The following TENM3 variants were observed in gnomAD, a reference collection of about 807,000 sequenced individuals.
TENM3 encodes the protein teneurin-3.
A neutral mutation model predicts 255.1 loss-of-function variants in TENM3; 63 were observed. The observed-to-expected ratio is 0.25, with a 90% CI of 0.20 to 0.30. The LOEUF (loss-of-function observed/expected upper bound fraction) is 0.30. Among genes scored for constraint, TENM3 ranks in the 10% least tolerant of loss-of-function variants. The probability of loss-of-function intolerance (pLI) is 1.00; values close to 1 mark genes in which losing one functional copy is unlikely to be tolerated. For synonymous variants in TENM3, 1,306 were observed against 1,322.3 expected, an observed-to-expected ratio of 0.99 and a Z score of 0.27; for missense variants, 2,929 against 3,461.1, an observed-to-expected ratio of 0.85 and a Z score of 3.86.
intron 3 of TENM3, among the ~76,000 whole-genome samples, chr4:182,457,067 C>G (rs551186781): frequency 6.6e-6 from 1 of 152,014 alleles, no homozygotes; most frequent in East Asian, 1.9e-4. Flanking sequence ...CGCCTGTAAT[C>G]CCAGCTACTC....
the TENM3 span, among the ~76,000 whole-genome samples, chr4:181,948,013 A>T: frequency 1.3e-5 from 2 of 152,214 alleles, no homozygotes; most frequent in Admixed American, 1.3e-4. Context: ...AAAAAAAAAT[A>T]AATTCATACT....
At position 182,353,522 on chromosome 4, in the gene TENM3, T is replaced by A. The variant is rs536007615; in HGVS notation, c.511+6593T>A. Among the ~76,000 whole-genome samples, 5 of 152,344 alleles carry A rather than the reference T, an allele frequency of 3.3e-5. No homozygotes were observed. In the South Asian group the frequency reaches 8.3e-4, roughly 25 times the overall value. The stretch of plus-strand genomic sequence containing the variant: ...CAAAATGCCGTCAAATAGTTCCTGA[T>A]ATATAAAAATAACTACATTGCCTTG... On this transcript the variant is annotated intron_variant, in intron 3 of 27. Coordinates refer to ENST00000511685, the MANE Select transcript of TENM3 (RefSeq NM_001080477.4).
At chr4:182,183,868 C>G (rs1248799253) in intron 1 of TENM3, among the ~76,000 whole-genome samples, 1 of 152,096 alleles carries the variant, frequency 6.6e-6, no homozygotes, top group Non-Finnish European at 1.5e-5. Flanking sequence ...GAATAAATAG[C>G]AAACATATGA....
At chr4:181,852,317 A>G in the TENM3 span, among the ~76,000 whole-genome samples, 2 of 152,214 alleles carry the variant, frequency 1.3e-5, no homozygotes, top group African/African-American at 4.8e-5. Context: ...TCCTTCGTTT[A>G]TTATTCAACA....
At chr4:182,239,368 C>T (rs1304516568), upstream of TENM3, among the ~76,000 whole-genome samples, 5 of 152,044 alleles carry the variant, frequency 3.3e-5, no homozygotes, top group African/African-American at 4.8e-5. Context: ...CATGAGCCAC[C>T]GCGCCCGGCC....
the TENM3 span, among the ~76,000 whole-genome samples, chr4:181,499,643 C>T: frequency 6.6e-6 from 1 of 152,166 alleles, no homozygotes; most frequent in Admixed American, 6.5e-5. Context: ...TACACACTTT[C>T]TTCCAATATT....
upstream of TENM3, among the ~76,000 whole-genome samples, chr4:182,242,553 G>A: frequency 6.6e-6 from 1 of 152,104 alleles, no homozygotes. Context: ...TTGAGCCCAG[G>A]AGTTTGAGAC....
chr4:181,593,975 A>C, the TENM3 span, among the ~76,000 whole-genome samples: 1 of 149,854 alleles, frequency 6.7e-6, no homozygotes, highest in Admixed American at 6.8e-5. Flanking sequence ...TAGAAGGGTT[A>C]TAGATAAACT....
the TENM3 span, among the ~76,000 whole-genome samples, chr4:181,917,252 T>C: frequency 6.6e-6 from 1 of 152,290 alleles, no homozygotes; most frequent in Middle Eastern, 3.4e-3. Flanking sequence ...TATTATAGTA[T>C]ACATTCAAAG....
chr4:181,746,457 T>C, the TENM3 span, among the ~76,000 whole-genome samples: 1 of 152,002 alleles, frequency 6.6e-6, no homozygotes, highest in Non-Finnish European at 1.5e-5. Flanking sequence ...CTGCAGATGA[T>C]TACAAAGAAT....
intron 13 of TENM3, among the ~76,000 whole-genome samples, chr4:182,722,146 C>T (rs895354905): frequency 1.6e-4 from 25 of 152,090 alleles, no homozygotes; most frequent in African/African-American, 5.1e-4. Flanking sequence ...CATAGTGTTA[C>T]AGGATTTCAT....
intron 1 of TENM3, among the ~76,000 whole-genome samples, chr4:182,292,185 A>T (rs1349742370): frequency 6.6e-6 from 1 of 152,096 alleles, no homozygotes. Flanking sequence ...GATTTATTGT[A>T]AAAAAATGTA....
At chr4:181,925,820 A>G in the TENM3 span, among the ~76,000 whole-genome samples, 2 of 152,188 alleles carry the variant, frequency 1.3e-5, no homozygotes, top group Non-Finnish European at 2.9e-5. Flanking sequence ...ATATTCCTAA[A>G]CAAGCTTTCC....
At chr4:181,994,568 T>G in the TENM3 span, among the ~76,000 whole-genome samples, 1,079 of 150,414 alleles carry the variant, frequency 7.2e-3, 14 homozygotes, top group African/African-American at 0.024. Flanking sequence ...TTTTTTTTTT[T>G]TGTGAACTCA....
At chr4:181,511,955 G>A in the TENM3 span, among the ~76,000 whole-genome samples, 32 of 152,080 alleles carry the variant, frequency 2.1e-4, no homozygotes, top group African/African-American at 7.7e-4. Context: ...GTGTTAGGGT[G>A]CCCAGCATCA....
the TENM3 span, among the ~76,000 whole-genome samples, chr4:182,049,898 C>A: frequency 2.8e-3 from 423 of 152,204 alleles, 1 homozygote; most frequent in Non-Finnish European, 3.6e-3. Flanking sequence ...CATTAAAACC[C>A]AGGCATTGGC....
chr4:182,705,239 C>CTTACAACTTTAA (rs1443025157), intron 12 of TENM3, among the ~76,000 whole-genome samples: 1 of 152,178 alleles, frequency 6.6e-6, no homozygotes, highest in Non-Finnish European at 1.5e-5. Flanking sequence ...ATGATACCTA[C>CTTACAACTTTAA]TTACAACTTT....
In TENM3 at chr4:182,751,808, C is replaced by G. The variant is rs1439518269; in HGVS notation, c.3638C>G (p.Pro1213Arg). 2 of 1,612,894 alleles carry G rather than the reference C, an allele frequency of 1.2e-6. No individual in the cohort carries two copies. Among genetic ancestry groups the G allele is most frequent in the Admixed American group, 3.3e-5 (2 of 59,994 alleles). ...VTSVLELSSN[P>R]AHRYYLATDP... ...TATGATCCTTTTCACAGCAGCAACCCAGCTCATAGATACTACCTTGCAACG... is the reference window on the plus strand; with the variant it reads ...TATGATCCTTTTCACAGCAGCAACCGAGCTCATAGATACTACCTTGCAACG... Residue 1213 changes from proline (P) to arginine (R), a missense_variant, in exon 20 of 28, where the codon CCA becomes CGA. Pro to Arg is a moderately radical substitution (Grantham distance 103). This residue lies in a region of TENM3 where 1,608 missense variants were observed against 1,884.4 expected (regional missense o/e 0.85). Transcript: ENST00000511685.
chr4:181,632,215 GGAGA>G, the TENM3 span, among the ~76,000 whole-genome samples: 3 of 152,100 alleles, frequency 2.0e-5, no homozygotes, highest in Non-Finnish European at 4.4e-5. Flanking sequence ...CATGGTGGCA[GGAGA>G]GAGAGAGTGG....
Sources: allele counts gnomAD v4.1 joint callset (sites outside exome capture counted in the v4.1 genomes callset), GRCh38; gene constraint gnomAD v4.1.1; regional missense constraint gnomAD v4.1.1; transcripts MANE v1.5; gene names NCBI Gene and HGNC (gene_info 2026-07-23, HGNC 2026-07-21).